Variants in AGBL4 observed in about 807,000 individuals in gnomAD.
AGBL4 encodes AGBL carboxypeptidase 4.
A neutral mutation model predicts 66.4 loss-of-function variants in AGBL4; 58 were observed. The ratio of observed to expected loss-of-function variants is 0.87; its 90% CI spans 0.71 to 1.09. AGBL4 has a LOEUF of 1.09. Ranked by LOEUF, AGBL4 falls within the 50% of genes least tolerant of loss-of-function variation. The pLI is 0.00. For missense variants in AGBL4, 579 were observed against 631.0 expected (o/e 0.92, Z 0.88); for synonymous variants, 234 against 222.9 (o/e 1.05, Z -0.44).
chr1:49,824,134 G>C (rs1434795331), intron 2 of AGBL4, among the ~76,000 whole-genome samples: 1 of 152,018 alleles, frequency 6.6e-6, no homozygotes, highest in African/African-American at 2.4e-5. Context: ...GCTTGAACCC[G>C]GGAGGCAGAA....
chr1:48,526,316 TACA>T, the AGBL4 span, among the ~76,000 whole-genome samples: 4 of 152,236 alleles, frequency 2.6e-5, no homozygotes, highest in Admixed American at 1.3e-4. Context: ...CTCCTCCACT[TACA>T]ACAAGCTGCA....
At chr1:49,413,656 C>T (rs567136291) in intron 3 of AGBL4, among the ~76,000 whole-genome samples, 1 of 152,182 alleles carries the variant, frequency 6.6e-6, no homozygotes, top group Non-Finnish European at 1.5e-5. Context: ...TGGCCAAATG[C>T]AGGTCAGATT....
At chr1:49,852,763 T>C (rs569813856) in intron 1 of AGBL4, among the ~76,000 whole-genome samples, 56 of 152,286 alleles carry the variant, frequency 3.7e-4, no homozygotes, top group Non-Finnish European at 5.7e-4. Flanking sequence ...AGGTCATTTG[T>C]GTAGGGGCTT....
chr1:49,705,759 G>T (rs1047920605), intron 2 of AGBL4, among the ~76,000 whole-genome samples: 6 of 151,696 alleles, frequency 4.0e-5, no homozygotes, highest in Non-Finnish European at 7.4e-5. Flanking sequence ...CCATGAAAGG[G>T]TGTTGAATTT....
intron 10 of AGBL4, among the ~76,000 whole-genome samples, chr1:48,588,394 G>C (rs1044254007): frequency 1.3e-5 from 2 of 152,168 alleles, no homozygotes; most frequent in Non-Finnish European, 2.9e-5. Context: ...CAGGCAAGTT[G>C]ACTTACTTGT....
intron 5 of AGBL4, among the ~76,000 whole-genome samples, chr1:48,951,768 T>C (rs1657005648): frequency 1.3e-5 from 2 of 152,238 alleles, no homozygotes; most frequent in Admixed American, 1.3e-4. Flanking sequence ...TATTTTATGA[T>C]AGCAGCCTGA....
At chr1:49,824,495 T>C (rs990052485) in intron 2 of AGBL4, among the ~76,000 whole-genome samples, 1 of 152,158 alleles carries the variant, frequency 6.6e-6, no homozygotes, top group Admixed American at 6.5e-5. Context: ...AAAGAAATGA[T>C]TGATAATGAA....
rs141545801 is a variant in AGBL4, at chr1:48,630,369, C to T, written c.951+4124G>A. Among the ~76,000 whole-genome samples, 1,418 of 152,256 alleles carry T rather than the reference C, an allele frequency of 9.3e-3. 65 individuals carry two copies. The highest frequency in any genetic ancestry group is 0.071 in the Admixed American group (1,088 of 15,298). The stretch of plus-strand genomic sequence containing the variant: ...CCAGTGCAGGCCAGACATATCACTT[C>T]AGGTCTACTGTACACTGAGCACCTC... On this transcript the variant is annotated intron_variant, in intron 9 of 13. Coordinates refer to ENST00000371839, the MANE Select transcript of AGBL4 (RefSeq NM_032785.4).
intron 9 of AGBL4, among the ~76,000 whole-genome samples, chr1:48,593,203 A>G (rs1644943593): frequency 6.6e-6 from 1 of 152,110 alleles, no homozygotes; most frequent in Non-Finnish European, 1.5e-5. Context: ...CTCACACCCA[A>G]ACCCCCTGCT....
At chr1:48,918,027 A>G (rs1042305814) in intron 5 of AGBL4, among the ~76,000 whole-genome samples, 3 of 152,214 alleles carry the variant, frequency 2.0e-5, no homozygotes, top group African/African-American at 7.2e-5. Flanking sequence ...TCAAGGGTAA[A>G]GGCAGCTCTC....
intron 10 of AGBL4, among the ~76,000 whole-genome samples, chr1:48,589,199 G>A (rs1304239752): frequency 6.6e-6 from 1 of 152,182 alleles, no homozygotes; most frequent in Non-Finnish European, 1.5e-5. Context: ...ATCATTAAAT[G>A]CTGGGTGACC....
At chr1:49,547,632 T>G (rs953933407) in intron 3 of AGBL4, among the ~76,000 whole-genome samples, 1 of 152,216 alleles carries the variant, frequency 6.6e-6, no homozygotes, top group Non-Finnish European at 1.5e-5. Context: ...TACCCATCCT[T>G]GAGCATGAAA....
chr1:48,918,017 T>C (rs74982918), intron 5 of AGBL4, among the ~76,000 whole-genome samples: 13,993 of 152,096 alleles, frequency 0.092, 732 homozygotes, highest in Non-Finnish European at 0.11. Context: ...CCGTGATGAG[T>C]CAAGGGTAAA....
chr1:49,787,739 A>G (rs551472770), intron 2 of AGBL4, among the ~76,000 whole-genome samples: 9 of 152,268 alleles, frequency 5.9e-5, no homozygotes, highest in African/African-American at 2.2e-4. Context: ...GGAGAAAACC[A>G]GGCAGGAGCT....
At chr1:49,111,303 G>A (rs60488191) in intron 4 of AGBL4, among the ~76,000 whole-genome samples, 1,932 of 152,132 alleles carry the variant, frequency 0.013, 39 homozygotes, top group African/African-American at 0.035. Flanking sequence ...TAGTAGAGAC[G>A]AGGTTTCACC....
chr1:49,400,451 A>T (rs920644185), intron 3 of AGBL4, among the ~76,000 whole-genome samples: 8 of 152,158 alleles, frequency 5.3e-5, no homozygotes, highest in African/African-American at 1.9e-4. Context: ...GATTGCATTG[A>T]ATCTGTAGAT....
chr1:48,649,352 G>A (rs1409686524), intron 8 of AGBL4, among the ~76,000 whole-genome samples: 2 of 152,170 alleles, frequency 1.3e-5, no homozygotes, highest in Non-Finnish European at 2.9e-5. Flanking sequence ...TGTAACTGAG[G>A]TGCAGTAAGT....
chr1:49,045,543 C>T, intron 5 of AGBL4, 41 bp downstream of exon 5: 1 of 1,568,074 alleles, frequency 6.4e-7, no homozygotes, highest in South Asian at 1.2e-5. Flanking sequence ...CCAAGTTTGC[C>T]TGTTTCCAAA....
intron 3 of AGBL4, among the ~76,000 whole-genome samples, chr1:49,289,769 G>A (rs187214866): frequency 3.9e-4 from 59 of 152,000 alleles, no homozygotes; most frequent in African/African-American, 1.4e-3. Flanking sequence ...ATAGAAGAAA[G>A]GGTAAAATAA....
Sources: allele counts gnomAD v4.1 joint callset (sites outside exome capture counted in the v4.1 genomes callset), GRCh38; gene constraint gnomAD v4.1.1; transcripts MANE v1.5; gene names NCBI Gene and HGNC (gene_info 2026-07-23, HGNC 2026-07-21).